Variants in SYT16 observed in about 807,000 individuals in gnomAD.
SYT16 encodes synaptotagmin-16.
SYT16 carries 42 observed loss-of-function variants against 61.4 expected under a neutral mutation model. The observed-to-expected ratio is 0.68, with a 90% CI of 0.53 to 0.89. The LOEUF is 0.89. Among genes scored for constraint, SYT16 ranks in the 40% least tolerant of loss-of-function variants. The pLI is 0.00. For missense variants in SYT16, 804 were observed against 807.3 expected (o/e 1.00, Z 0.05); for synonymous variants, 314 against 302.3 (o/e 1.04, Z -0.40).
chr14:61,969,829 A>G (rs1223557177), intron 1 of SYT16, among the ~76,000 whole-genome samples: 4 of 152,152 alleles, frequency 2.6e-5, no homozygotes, highest in African/African-American at 9.7e-5. Flanking sequence ...TTGAAGTTGA[A>G]TACTGGGCTG....
Position 61,996,047 on chromosome 14 carries a change from G to T in SYT16, c.28G>T (p.Val10Phe). The stretch of plus-strand genomic sequence containing the variant: ...GGTGTTGGCCATGGCGTCTCAGGAT[G>T]TTCAGAACTTCTTCCAGCCTTTCTC... MVLAMASQDVQNFFQPFSSW... is the reference protein window; with the variant it reads MVLAMASQDFQNFFQPFSSW... The change falls in exon 3 of 8, where the codon GTT (valine) becomes TTT (phenylalanine). Residue 10 changes from valine (V) to phenylalanine (F), a missense_variant. Val to Phe is a conservative substitution (Grantham distance 50). Transcript: ENST00000683842. The T allele has an allele frequency of 4.4e-6, 7 of 1,605,348 alleles. No individual in the cohort carries two copies. The highest frequency in any genetic ancestry group is 6.0e-6 in the Non-Finnish European group (7 of 1,175,368).
chr14:61,949,468 T>G (rs141275526), intron 1 of SYT16, among the ~76,000 whole-genome samples: 5 of 152,278 alleles, frequency 3.3e-5, no homozygotes, highest in African/African-American at 1.2e-4. Context: ...TAAAAAGAGA[T>G]AGACTTTGCT....
intron 5 of SYT16, among the ~76,000 whole-genome samples, chr14:62,080,014 A>G (rs577769165): frequency 6.6e-6 from 1 of 152,348 alleles, no homozygotes; most frequent in East Asian, 1.9e-4. Flanking sequence ...AAGTAGGCAC[A>G]TTAATGTGCA....
chr14:62,039,433 A>G (rs1250319441), intron 3 of SYT16, among the ~76,000 whole-genome samples: 1 of 152,246 alleles, frequency 6.6e-6, no homozygotes, highest in East Asian at 1.9e-4. Context: ...CATATTATGT[A>G]TGCTAGGTCT....
chr14:62,050,521 GC>G (rs2055227640), intron 3 of SYT16, among the ~76,000 whole-genome samples: 1 of 152,206 alleles, frequency 6.6e-6, no homozygotes, highest in African/African-American at 2.4e-5. Context: ...GTGAGGAGCT[GC>G]GTTCCTTTGG....
intron 1 of SYT16, among the ~76,000 whole-genome samples, chr14:61,863,347 C>T (rs1184022552): frequency 6.6e-6 from 1 of 152,120 alleles, no homozygotes; most frequent in Non-Finnish European, 1.5e-5. Flanking sequence ...TTTAATTTAC[C>T]TTTCCCTGAC....
intron 1 of SYT16, among the ~76,000 whole-genome samples, chr14:61,935,280 G>A (rs2049933773): frequency 6.6e-6 from 1 of 152,148 alleles, no homozygotes; most frequent in South Asian, 2.1e-4. Context: ...GCCGACAGTG[G>A]CTCCCATTAA....
chr14:62,069,850 G>A (rs779357271), intron 4 of SYT16, 35 bp downstream of exon 4: 4 of 1,606,486 alleles, frequency 2.5e-6, no homozygotes, highest in South Asian at 1.1e-5. Context: ...TTTAGACCAG[G>A]GATGGCCAAT....
chr14:61,965,762 A>T (rs2051290645), intron 1 of SYT16, among the ~76,000 whole-genome samples: 1 of 152,152 alleles, frequency 6.6e-6, no homozygotes, highest in Admixed American at 6.6e-5. Context: ...GTAGTTTAAG[A>T]TGGAACAAGA....
intron 3 of SYT16, among the ~76,000 whole-genome samples, chr14:62,063,194 G>A (rs1446438108): frequency 6.6e-6 from 1 of 152,092 alleles, no homozygotes; most frequent in Admixed American, 6.6e-5. Context: ...CTCAGCCCTT[G>A]TATTTTCCAC....
intron 3 of SYT16, among the ~76,000 whole-genome samples, chr14:62,033,711 C>CAGAT (rs56785225): frequency 0.38 from 58,197 of 151,550 alleles, 12,608 homozygotes; most frequent in African/African-American, 0.6. Flanking sequence ...ACAATAAACT[C>CAGAT]AGACCCATAG....
chr14:62,093,243 A>T (rs2057154687), intron 7 of SYT16, among the ~76,000 whole-genome samples: 1 of 152,112 alleles, frequency 6.6e-6, no homozygotes, highest in African/African-American at 2.4e-5. Flanking sequence ...TAATCTTTTA[A>T]ACCAATAGAG....
At chr14:61,945,627 G>A (rs1255147621) in intron 1 of SYT16, among the ~76,000 whole-genome samples, 8 of 152,016 alleles carry the variant, frequency 5.3e-5, no homozygotes, top group South Asian at 4.2e-4. Flanking sequence ...AGGCCGAGGC[G>A]GGCGGATCAC....
At chr14:62,018,628 AT>A (rs1464263239) in intron 3 of SYT16, among the ~76,000 whole-genome samples, 23 of 152,198 alleles carry the variant, frequency 1.5e-4, no homozygotes, top group African/African-American at 5.5e-4. Flanking sequence ...TTCTTCTAAA[AT>A]GCTAGTTATG....
intron 6 of SYT16, among the ~76,000 whole-genome samples, chr14:62,082,410 A>G (rs139976483): frequency 2.1e-3 from 321 of 152,222 alleles, no homozygotes; most frequent in African/African-American, 7.3e-3. Flanking sequence ...CATTCTTCCA[A>G]TTGCTGGGGT....
At chr14:61,980,807 T>C (rs2052036538) in intron 2 of SYT16, among the ~76,000 whole-genome samples, 1 of 152,174 alleles carries the variant, frequency 6.6e-6, no homozygotes, top group Admixed American at 6.5e-5. Context: ...AAAAGACTAA[T>C]TGACATGACA....
rs182900125 is a variant in SYT16, at chr14:62,021,298, T to C, written c.523+24756T>C. Among the ~76,000 whole-genome samples, 454 of 152,218 alleles carry C rather than the reference T, an allele frequency of 3.0e-3. 3 individuals carry two copies. The highest frequency in any genetic ancestry group is 0.01 in the African/African-American group (433 of 41,536). On this transcript the variant is annotated intron_variant, in intron 3 of 7. Transcript: ENST00000683842. Reference sequence around the variant, plus strand: ...AGAATGGAGTGGTGGTCTTTGTTGTTCTGGTGTAAGTGTGGTCTTAGGTGG... The same window carrying C: ...AGAATGGAGTGGTGGTCTTTGTTGTCCTGGTGTAAGTGTGGTCTTAGGTGG...
intron 6 of SYT16, among the ~76,000 whole-genome samples, chr14:62,083,161 C>T (rs929372553): frequency 1.4e-5 from 2 of 143,538 alleles, no homozygotes; most frequent in African/African-American, 5.2e-5. Flanking sequence ...AGGTGGGGGG[C>T]GCTCTGCAGA....
At chr14:61,876,331 T>G (rs1174899581) in intron 1 of SYT16, among the ~76,000 whole-genome samples, 1 of 152,236 alleles carries the variant, frequency 6.6e-6, no homozygotes, top group Non-Finnish European at 1.5e-5. Flanking sequence ...CGCTGAAATG[T>G]GCAGTTCATT....
Sources: gnomAD v4.1 joint callset for allele counts (sites outside exome capture counted in the v4.1 genomes callset) on GRCh38, gnomAD v4.1.1 for gene constraint, MANE v1.5 for transcripts, NCBI Gene and HGNC (gene_info 2026-07-23, HGNC 2026-07-21) for gene names.